The following CRYBG1 variants were observed in gnomAD, a reference collection of about 807,000 sequenced individuals.
CRYBG1 encodes crystallin beta-gamma domain containing 1.
In CRYBG1, 139 loss-of-function variants were observed where a neutral mutation model predicts 189.2. That is an observed-to-expected ratio of 0.73 (90% confidence interval 0.64 to 0.85). CRYBG1 has a LOEUF of 0.85. Among genes scored for constraint, CRYBG1 ranks in the 40% least tolerant of loss-of-function variants. CRYBG1 has a pLI of 0.00. For synonymous variants in CRYBG1, 1,023 were observed against 1,017.1 expected, an observed-to-expected ratio of 1.01 and a Z score of -0.11; for missense variants, 2,611 against 2,675.8, an observed-to-expected ratio of 0.98 and a Z score of 0.53.
intron 1 of CRYBG1, among the ~76,000 whole-genome samples, chr6:106,389,870 T>C (rs967651803): frequency 5.9e-5 from 9 of 152,112 alleles, no homozygotes; most frequent in African/African-American, 1.9e-4. Context: ...ATGTTTTAAC[T>C]TTTTTCAGCT....
At chr6:106,567,262 A>C (rs1265964640) in intron 21 of CRYBG1, among the ~76,000 whole-genome samples, 2 of 152,168 alleles carry the variant, frequency 1.3e-5, no homozygotes, top group Non-Finnish European at 2.9e-5. Flanking sequence ...GGCAGAGTGT[A>C]GGGTTTGCTG....
At chr6:106,536,124 A>G (rs943069137) in intron 8 of CRYBG1, among the ~76,000 whole-genome samples, 1 of 152,180 alleles carries the variant, frequency 6.6e-6, no homozygotes, top group Non-Finnish European at 1.5e-5. Context: ...GCCACATTCT[A>G]GATTTGTCTG....
At chr6:106,489,693 T>C (rs1053154998) in intron 2 of CRYBG1, among the ~76,000 whole-genome samples, 2 of 144,554 alleles carry the variant, frequency 1.4e-5, no homozygotes, top group African/African-American at 5.1e-5. Flanking sequence ...CCGGGGGCGG[T>C]AGTATGCACC....
At chr6:106,525,807 A>G (rs891068206) in intron 6 of CRYBG1, among the ~76,000 whole-genome samples, 6 of 141,778 alleles carry the variant, frequency 4.2e-5, no homozygotes, top group Non-Finnish European at 9.5e-5. Flanking sequence ...GAAAAGGCAA[A>G]GTAAAGAAAC....
In CRYBG1 at chr6:106,483,391, G is replaced by GAT. The variant is rs1217016240; in HGVS notation, c.313-28029_313-28028dup. ...GTGTGTGTGTGTGTATATATATATA[G>GAT]ATATATATATAAAACATTTTCTTTA... On this transcript the variant is annotated intron_variant, in intron 2 of 21. Transcript: ENST00000633556. Among the ~76,000 whole-genome samples the GAT allele has an allele frequency of 1.3e-4, 13 of 101,076 alleles. 2 individuals carry two copies. Among genetic ancestry groups the GAT allele is most frequent in the African/African-American group, 3.1e-4 (10 of 32,676 alleles). 66.3% of individuals were successfully genotyped at this position (101,076 alleles called of 152,430 possible).
At position 106,569,455 on chromosome 6, in the gene CRYBG1, T is replaced by C. The variant is rs2114608890; in HGVS notation, c.*889T>C. 6.6e-6 allele frequency: 1 copy of C among 152,166 alleles called. No homozygotes were observed. Among genetic ancestry groups the C allele is most frequent in the South Asian group, 2.1e-4 (1 of 4,818 alleles). 9.4% of individuals were successfully genotyped at this position (152,166 alleles called of 1,614,324 possible). On this transcript the variant is annotated 3_prime_UTR_variant, in exon 22 of 22. Coordinates refer to ENST00000633556, the MANE Select transcript of CRYBG1 (RefSeq NM_001371242.2). ...CCAGGCTGATCTCGAACCTCTGGGC[T>C]CAAGCAATTCACTCGCCTCGGCCTC...
At chr6:106,514,229 C>T (rs1773367314) in intron 3 of CRYBG1, among the ~76,000 whole-genome samples, 1 of 152,210 alleles carries the variant, frequency 6.6e-6, no homozygotes, top group South Asian at 2.1e-4. Context: ...TCTCACACTT[C>T]TGCTCCCTCA....
intron 2 of CRYBG1, among the ~76,000 whole-genome samples, chr6:106,466,335 C>T (rs749228004): frequency 6.6e-6 from 1 of 152,308 alleles, no homozygotes; most frequent in South Asian, 2.1e-4. Context: ...GATTCAAGTA[C>T]CCATGTGCTC....
chr6:106,523,621 T>G (rs1015320706), intron 4 of CRYBG1, among the ~76,000 whole-genome samples: 2 of 152,180 alleles, frequency 1.3e-5, no homozygotes, highest in African/African-American at 4.8e-5. Flanking sequence ...CTGAATTTTG[T>G]TTTAAATTTT....
rs1773583436 is a variant in CRYBG1 at position 106,520,767 on chromosome 6, C to G, written c.3559C>G (p.Leu1187Val). Reference sequence around the variant, plus strand: ...GCAGAACCTTGACACAAAATCCAAACTGAGACCCAAACGTGCATCTGCTGA... The same window carrying G: ...GCAGAACCTTGACACAAAATCCAAAGTGAGACCCAAACGTGCATCTGCTGA... ...LMQNLDTKSKLRPKRASAEQS... is the reference protein window; with the variant it reads ...LMQNLDTKSKVRPKRASAEQS... The change falls in exon 4 of 22, where the codon CTG becomes GTG. Residue 1187 changes from leucine (L) to valine (V), a missense_variant. Physicochemically the swap from Leu to Val is conservative, Grantham distance 32 (BLOSUM62 1). This residue lies in a region of CRYBG1 where 1,622 missense variants were observed against 1,735.0 expected (regional missense o/e 0.93). Coordinates refer to ENST00000633556, the MANE Select transcript of CRYBG1 (RefSeq NM_001371242.2). 1.1e-5 allele frequency: 18 copies of G among 1,614,042 alleles called. No homozygotes were observed. The East Asian group carries it at 4.0e-4, about 36-fold the overall frequency.
At chr6:106,373,680 T>A (rs1770089064) in intron 1 of CRYBG1, among the ~76,000 whole-genome samples, 1 of 152,216 alleles carries the variant, frequency 6.6e-6, no homozygotes, top group Admixed American at 6.5e-5. Context: ...TCTATGTCAG[T>A]AGGTCACAGA....
At chr6:106,505,846 A>G (rs1202598238) in intron 2 of CRYBG1, among the ~76,000 whole-genome samples, 1 of 151,966 alleles carries the variant, frequency 6.6e-6, no homozygotes, top group Admixed American at 6.6e-5. Flanking sequence ...TATCCAGTTG[A>G]CTCATTCCCA....
intron 1 of CRYBG1, among the ~76,000 whole-genome samples, chr6:106,411,417 C>T (rs1161790959): frequency 6.6e-6 from 1 of 152,150 alleles, no homozygotes; most frequent in Non-Finnish European, 1.5e-5. Context: ...TTCTTCAGGA[C>T]TCGGCAATTT....
intron 1 of CRYBG1, among the ~76,000 whole-genome samples, chr6:106,441,269 AG>A (rs1481147253): frequency 2.0e-5 from 3 of 152,196 alleles, no homozygotes; most frequent in Non-Finnish European, 4.4e-5. Flanking sequence ...GAACACCCTT[AG>A]GGTGGGAATT....
At chr6:106,525,639 C>T (rs1464764575) in intron 6 of CRYBG1, among the ~76,000 whole-genome samples, 1 of 152,150 alleles carries the variant, frequency 6.6e-6, no homozygotes, top group Non-Finnish European at 1.5e-5. Context: ...TTTTCCCATG[C>T]TTCCCCATAA....
At chr6:106,568,157 A>C (rs1246451350) in intron 21 of CRYBG1, among the ~76,000 whole-genome samples, 1 of 152,190 alleles carries the variant, frequency 6.6e-6, no homozygotes, top group Non-Finnish European at 1.5e-5. Flanking sequence ...AGTTCCCTTG[A>C]ATTTCAGACA....
chr6:106,514,454 CG>C (rs1428126774), intron 3 of CRYBG1, among the ~76,000 whole-genome samples: 2 of 152,086 alleles, frequency 1.3e-5, no homozygotes, highest in Non-Finnish European at 2.9e-5. Context: ...GGGAAGTATG[CG>C]TAATGAATAA....
chr6:106,520,322 G>C lies in CRYBG1; in HGVS notation c.3114G>C (p.Leu1038=). The change falls in exon 4 of 22, where the codon CTG becomes CTC. Residue 1038 remains leucine (L), a synonymous_variant. Transcript: ENST00000633556. The part of the protein sequence containing the change: ...QVIPPASEKT[L]PIQAQSQGSR... ...TACCGCCAGCATCAGAGAAAACTCT[G>C]CCTATTCAGGCTCAAAGTCAGGGCA... 1 of 1,614,100 alleles carries C rather than the reference G, an allele frequency of 6.2e-7. No individual in the cohort carries two copies. Among genetic ancestry groups the C allele is most frequent in the African/African-American group, 1.3e-5 (1 of 75,034 alleles).
intron 1 of CRYBG1, among the ~76,000 whole-genome samples, chr6:106,444,064 G>T (rs1456158315): frequency 1.3e-5 from 2 of 151,986 alleles, no homozygotes; most frequent in Non-Finnish European, 2.9e-5. Context: ...AGCTTTGTTT[G>T]GTGCTACAAA....
Sources: allele counts gnomAD v4.1 joint callset (sites outside exome capture counted in the v4.1 genomes callset), GRCh38; gene constraint gnomAD v4.1.1; regional missense constraint gnomAD v4.1.1; transcripts MANE v1.5; gene names NCBI Gene and HGNC (gene_info 2026-07-23, HGNC 2026-07-21).